The following KALRN variants were observed in gnomAD, a reference collection of about 807,000 sequenced individuals.
KALRN encodes kalirin.
A neutral mutation model predicts 353.7 loss-of-function variants in KALRN; 70 were observed. That is an observed-to-expected ratio of 0.20 (90% confidence interval 0.16 to 0.24). The LOEUF (loss-of-function observed/expected upper bound fraction) is 0.24, where lower values mean the gene tolerates loss of function less well. Among genes scored for constraint, KALRN ranks in the 10% least tolerant of loss-of-function variants. KALRN has a pLI of 1.00. For missense variants in KALRN, 2,791 were observed against 3,756.7 expected (o/e 0.74, Z 6.72); for synonymous variants, 1,391 against 1,434.8 (o/e 0.97, Z 0.69).
intron 1 of KALRN, among the ~76,000 whole-genome samples, chr3:124,208,987 C>A (rs73186274): frequency 0.21 from 30,507 of 148,788 alleles, 3,402 homozygotes; most frequent in East Asian, 0.48. Flanking sequence ...TAATAATAAT[C>A]ATCATCATCA....
At chr3:124,569,241 T>G (rs1215654380) in intron 34 of KALRN, among the ~76,000 whole-genome samples, 1 of 152,158 alleles carries the variant, frequency 6.6e-6, no homozygotes, top group Non-Finnish European at 1.5e-5. Flanking sequence ...GGCTTGTTCA[T>G]GAGGAGTCCT....
intron 34 of KALRN, among the ~76,000 whole-genome samples, chr3:124,571,655 G>C (rs1364745864): frequency 6.6e-6 from 1 of 151,732 alleles, no homozygotes; most frequent in Non-Finnish European, 1.5e-5. Context: ...TAATTTAAAG[G>C]GATTAACCAA....
intron 1 of KALRN, among the ~76,000 whole-genome samples, chr3:124,173,648 G>A (rs565894594): frequency 3.3e-5 from 5 of 152,220 alleles, no homozygotes; most frequent in African/African-American, 4.8e-5. Context: ...ACAGAGTCTC[G>A]CTCTGTCACC....
chr3:124,225,843 A>T (rs970348463), intron 1 of KALRN, among the ~76,000 whole-genome samples: 1 of 152,234 alleles, frequency 6.6e-6, no homozygotes, highest in African/African-American at 2.4e-5. Context: ...AGAAAAAAAT[A>T]GGAAAAGAGT....
intron 34 of KALRN, among the ~76,000 whole-genome samples, chr3:124,587,055 A>G (rs2075268336): frequency 6.6e-6 from 1 of 152,218 alleles, no homozygotes; most frequent in Non-Finnish European, 1.5e-5. Context: ...CTCTTTGGGA[A>G]GAGGCTTGCC....
At chr3:124,180,135 C>T (rs2073372237) in intron 1 of KALRN, among the ~76,000 whole-genome samples, 1 of 152,178 alleles carries the variant, frequency 6.6e-6, no homozygotes, top group Non-Finnish European at 1.5e-5. Flanking sequence ...TTGGTTTCAT[C>T]ACTGTGGCTC....
chr3:124,143,889 G>A lies in KALRN; in HGVS notation c.74-84101G>A, dbSNP rs547385104. On this transcript the variant is annotated intron_variant, in intron 1 of 59. Transcript: ENST00000682506. ...AAATAAATAAATTTTAAAAAAGCCAGTTTTCATTTTAGAACAGGATAATCT... is the reference window on the plus strand; with the variant it reads ...AAATAAATAAATTTTAAAAAAGCCAATTTTCATTTTAGAACAGGATAATCT... Among the ~76,000 whole-genome samples, 3 of 152,282 alleles carry A rather than the reference G, an allele frequency of 2.0e-5. No homozygotes were observed. In the South Asian group the frequency reaches 6.2e-4, roughly 32 times the overall value.
chr3:124,200,239 T>G (rs2075830465), intron 1 of KALRN, among the ~76,000 whole-genome samples: 1 of 152,248 alleles, frequency 6.6e-6, no homozygotes, highest in African/African-American at 2.4e-5. Context: ...AGCCTCTCCC[T>G]CAACTTATAA....
chr3:124,624,986 T>C (rs907336839), intron 34 of KALRN, among the ~76,000 whole-genome samples: 1 of 152,168 alleles, frequency 6.6e-6, no homozygotes, highest in Non-Finnish European at 1.5e-5. Context: ...GACTAGCCTG[T>C]AGAAGAACAC....
Position 124,719,739 on chromosome 3 carries a change from A to G in KALRN, c.*269A>G, listed in dbSNP as rs3772800. The G allele has an allele frequency of 5.5e-6, 2 of 361,574 alleles. No homozygotes were observed. The highest frequency in any genetic ancestry group is 1.0e-5 in the Non-Finnish European group (2 of 197,408). The allele number at this position is 361,574 out of a possible 1,614,324, so 22.4% of individuals were successfully genotyped here. On this transcript the variant is annotated 3_prime_UTR_variant, in exon 60 of 60. Coordinates refer to ENST00000682506, the MANE Select transcript of KALRN (RefSeq NM_001388419.1). The surrounding 1 kb of genome is among the most constrained non-coding windows in gnomAD (Gnocchi z 5.3). ...TCAGAAGAAGGGCAAAGATAAGAAC[A>G]ATATTAGCTGTTACGAAATTTTAAC... is the stretch of plus-strand genomic sequence containing the variant.
intron 33 of KALRN, among the ~76,000 whole-genome samples, chr3:124,501,928 C>A (rs2064623746): frequency 6.6e-6 from 1 of 152,186 alleles, no homozygotes; most frequent in South Asian, 2.1e-4. Context: ...CATTTCTAGT[C>A]TTCTGTAAAT....
In KALRN at chr3:124,463,193, A is replaced by G. The variant is rs1023089155; in HGVS notation, c.4031+560A>G. On this transcript the variant is annotated intron_variant, in intron 25 of 59. Transcript: ENST00000682506. The stretch of plus-strand genomic sequence containing the variant: ...TAAGAATTTTTCCCACACCATACAA[A>G]ACAGCATGTTCCATGGTTAACAAAG... 7.2e-5 allele frequency among the ~76,000 whole-genome samples: 11 copies of G among 152,214 alleles called. No homozygotes were observed. The South Asian group carries it at 1.9e-3, about 26-fold the overall frequency.
intron 34 of KALRN, among the ~76,000 whole-genome samples, chr3:124,582,608 T>A (rs929913413): frequency 3.3e-5 from 5 of 152,152 alleles, no homozygotes; most frequent in African/African-American, 9.7e-5. Flanking sequence ...CTTTACAAGG[T>A]TTTTTTATGA....
At chr3:124,523,325 G>C (rs745538485) in intron 33 of KALRN, among the ~76,000 whole-genome samples, 12 of 152,266 alleles carry the variant, frequency 7.9e-5, no homozygotes, top group Non-Finnish European at 1.6e-4. Context: ...AATCCCACTT[G>C]CTGCAAGTAG....
At chr3:124,288,949 CTTAG>C (rs2076188061) in intron 5 of KALRN, among the ~76,000 whole-genome samples, 1 of 152,118 alleles carries the variant, frequency 6.6e-6, no homozygotes, top group Non-Finnish European at 1.5e-5. Flanking sequence ...TAGATACTGT[CTTAG>C]TTTGTTTTCT....
At chr3:124,152,116 A>G in intron 1 of KALRN, 1 of 1,280,190 alleles carries the variant, frequency 7.8e-7, no homozygotes, top group Non-Finnish European at 1.1e-6. Context: ...GTTTTCCAAC[A>G]TTATAGATCT....
intron 2 of KALRN, 60 bp downstream of exon 2, chr3:124,228,124 G>A: frequency 3.8e-6 from 5 of 1,318,148 alleles, no homozygotes; most frequent in Non-Finnish European, 5.5e-6. Context: ...GTGTGCACAT[G>A]TGTTCAGATT....
chr3:124,106,729 T>C (rs536008160), intron 1 of KALRN, among the ~76,000 whole-genome samples: 49 of 152,324 alleles, frequency 3.2e-4, no homozygotes, highest in African/African-American at 1.2e-3. Context: ...CCCAAAGTCA[T>C]ACAATTATCG....
chr3:124,600,377 G>A (rs1313189052), intron 34 of KALRN, among the ~76,000 whole-genome samples: 1 of 152,188 alleles, frequency 6.6e-6, no homozygotes, highest in African/African-American at 2.4e-5. Flanking sequence ...TGCACATTAT[G>A]TTATATTGGT....
Sources: allele counts gnomAD v4.1 joint callset (sites outside exome capture counted in the v4.1 genomes callset), GRCh38; gene constraint gnomAD v4.1.1; non-coding constraint Gnocchi (gnomAD v3.1); transcripts MANE v1.5; gene names NCBI Gene and HGNC (gene_info 2026-07-23, HGNC 2026-07-21).